The following PTPN4 variants were observed in gnomAD, a reference collection of about 807,000 sequenced individuals.
PTPN4 encodes the protein protein tyrosine phosphatase non-receptor type 4.
Under a neutral mutation model 135.5 loss-of-function variants are expected in PTPN4, and 49 were observed. The ratio of observed to expected loss-of-function variants is 0.36; its 90% CI spans 0.29 to 0.46. PTPN4 has a LOEUF of 0.46. Among genes scored for constraint, PTPN4 ranks in the 20% least tolerant of loss-of-function variants. The pLI, the probability that PTPN4 is intolerant of heterozygous loss-of-function variation, is 1.00. For synonymous variants in PTPN4, 333 were observed against 369.9 expected (o/e 0.90, Z 1.14); for missense variants, 860 against 1,101.0 (o/e 0.78, Z 3.10).
intron 3 of PTPN4, among the ~76,000 whole-genome samples, chr2:119,869,513 C>G (rs1223830894): frequency 6.6e-6 from 1 of 152,108 alleles, no homozygotes; most frequent in Non-Finnish European, 1.5e-5. Context: ...GAGTTTGGAG[C>G]TAATCCTCTT....
At chr2:119,879,111 A>C (rs1678032054) in intron 5 of PTPN4, among the ~76,000 whole-genome samples, 1 of 152,024 alleles carries the variant, frequency 6.6e-6, no homozygotes, top group Admixed American at 6.5e-5. Context: ...AAAAAACAAA[A>C]ATGAAAAACA....
chr2:119,945,729 A>G (rs1679123525), intron 16 of PTPN4, among the ~76,000 whole-genome samples: 1 of 152,164 alleles, frequency 6.6e-6, no homozygotes, highest in South Asian at 2.1e-4. Flanking sequence ...GTCAAGAGAC[A>G]GTAAGTAGAT....
chr2:119,775,802 GATATCTATATCT>G (rs56763862), intron 1 of PTPN4, among the ~76,000 whole-genome samples: 2,271 of 149,976 alleles, frequency 0.015, 26 homozygotes, highest in African/African-American at 0.022. Flanking sequence ...AGAGATTGTG[GATATCTATATCT>G]ATATCTATAT....
chr2:119,775,121 AAAAAG>A, intron 1 of PTPN4, among the ~76,000 whole-genome samples: 2 of 132,782 alleles, frequency 1.5e-5, no homozygotes, highest in Non-Finnish European at 3.3e-5. Flanking sequence ...AAAAAAAAAA[AAAAAG>A]CCACAAAGGA....
chr2:119,866,259 C>G (rs977803990), intron 3 of PTPN4, among the ~76,000 whole-genome samples: 6 of 152,112 alleles, frequency 3.9e-5, no homozygotes, highest in African/African-American at 1.4e-4. Context: ...GTTTCTTTCC[C>G]TATTAAATTG....
At chr2:119,902,055 C>T (rs892699422) in intron 10 of PTPN4, among the ~76,000 whole-genome samples, 2 of 152,152 alleles carry the variant, frequency 1.3e-5, no homozygotes, top group African/African-American at 4.8e-5. Context: ...TTCATGACAG[C>T]CACCGAATCA....
intron 1 of PTPN4, among the ~76,000 whole-genome samples, chr2:119,766,443 T>TGCAC (rs1553430821): frequency 9.1e-6 from 1 of 109,768 alleles, no homozygotes; most frequent in Non-Finnish European, 2.0e-5. Flanking sequence ...TATGCGCATG[T>TGCAC]GCGCGCGTGT....
intron 13 of PTPN4, among the ~76,000 whole-genome samples, chr2:119,930,018 A>G (rs1678880678): frequency 6.6e-6 from 1 of 152,136 alleles, no homozygotes; most frequent in South Asian, 2.1e-4. Flanking sequence ...GTTAATCTTT[A>G]TTTTAAAAAT....
At chr2:119,840,313 C>T (rs1197522989) in intron 2 of PTPN4, among the ~76,000 whole-genome samples, 1 of 152,102 alleles carries the variant, frequency 6.6e-6, no homozygotes, top group East Asian at 1.9e-4. Context: ...TCCTTGTGTC[C>T]CTGTGTTCTC....
chr2:119,797,516 A>G (rs1016771107), intron 1 of PTPN4, among the ~76,000 whole-genome samples: 4 of 152,158 alleles, frequency 2.6e-5, no homozygotes, highest in Non-Finnish European at 5.9e-5. Flanking sequence ...TTTTGCCATT[A>G]AGTGCGATGT....
intron 1 of PTPN4, among the ~76,000 whole-genome samples, chr2:119,785,956 C>T (rs1441860701): frequency 6.6e-6 from 1 of 152,114 alleles, no homozygotes; most frequent in African/African-American, 2.4e-5. Flanking sequence ...ATCAGGATAC[C>T]TTTACTCTCA....
At chr2:119,920,296 A>G in intron 12 of PTPN4, 55 bp downstream of exon 12, 1 of 1,499,096 alleles carries the variant, frequency 6.7e-7, no homozygotes, top group Non-Finnish European at 9.1e-7. Flanking sequence ...TCCTTTCTTT[A>G]AAATAAAGAT....
intron 2 of PTPN4, among the ~76,000 whole-genome samples, chr2:119,817,946 G>C (rs1330233716): frequency 2.6e-5 from 4 of 152,060 alleles, no homozygotes; most frequent in Non-Finnish European, 4.4e-5. Context: ...GTTCATTCCT[G>C]ATTTGGCTCT....
rs150126072 is a variant in PTPN4, at chr2:119,971,645, G to C, written c.2694+3673G>C. On this transcript the variant is annotated intron_variant, in intron 26 of 26. Coordinates refer to ENST00000263708, the MANE Select transcript of PTPN4 (RefSeq NM_002830.4). ...TCTTTCTGTTTTCTTGATTATAGTAGTTGATGCACAGAAGTTTTGAATTTG... is the reference window on the plus strand; with the variant it reads ...TCTTTCTGTTTTCTTGATTATAGTACTTGATGCACAGAAGTTTTGAATTTG... 3.3e-4 allele frequency among the ~76,000 whole-genome samples: 51 copies of C among 152,282 alleles called. No individual in the cohort carries two copies. The East Asian group carries it at 9.8e-3, about 29-fold the overall frequency.
rs924234698 is a variant in PTPN4, at chr2:119,983,598, C to T, written c.*6528C>T. 2 of 152,130 alleles carry T rather than the reference C, an allele frequency of 1.3e-5. No homozygotes were observed. The highest frequency in any genetic ancestry group is 2.9e-5 in the Non-Finnish European group (2 of 68,026). The allele number at this position is 152,130 out of a possible 1,614,324, so 9.4% of individuals were successfully genotyped here. A position where few individuals can be genotyped will look rare whatever the true frequency, so the allele number is the denominator to read the frequency against. On this transcript the variant is annotated 3_prime_UTR_variant, in exon 27 of 27. Coordinates refer to ENST00000263708, the MANE Select transcript of PTPN4 (RefSeq NM_002830.4). ...CACTTTATTTCATGCTGACCACCAA[C>T]TTAATTTATACATTTTAAAATAAAA...
intron 2 of PTPN4, among the ~76,000 whole-genome samples, chr2:119,813,480 C>T (rs1369005577): frequency 6.6e-6 from 1 of 151,952 alleles, no homozygotes; most frequent in East Asian, 1.9e-4. Flanking sequence ...CTCCCGACCT[C>T]AGGTGATCCA....
chr2:119,964,626 A>G (rs532967375), intron 24 of PTPN4, among the ~76,000 whole-genome samples: 85 of 152,146 alleles, frequency 5.6e-4, no homozygotes, highest in Middle Eastern at 3.2e-3. Context: ...GTTTCTACCT[A>G]TGTACTTGAT....
intron 1 of PTPN4, among the ~76,000 whole-genome samples, chr2:119,789,655 C>T (rs1329291761): frequency 1.3e-5 from 2 of 152,044 alleles, no homozygotes; most frequent in Admixed American, 6.6e-5. Flanking sequence ...TTTACTTTGA[C>T]CATTACTTAT....
At position 119,956,893 on chromosome 2, in the gene PTPN4, C is replaced by T; in HGVS notation, c.2030C>T (p.Pro677Leu). ...ATGACAATGTCCTGTGCCAAATTACCTCAGAATATTTCCAAAAATAGATAC... is the reference window on the plus strand; with the variant it reads ...ATGACAATGTCCTGTGCCAAATTACTTCAGAATATTTCCAAAAATAGATAC... The part of the protein sequence containing the change: ...PGMTMSCAKL[P>L]QNISKNRYRD... The change falls in exon 21 of 27, where the codon CCT becomes CTT. Residue 677 changes from proline to leucine, a missense_variant. By Grantham distance (98) the Pro-to-Leu change is moderately conservative. Transcript: ENST00000263708. The T allele has an allele frequency of 6.2e-7, 1 of 1,608,626 alleles. No individual in the cohort carries two copies. The highest frequency in any genetic ancestry group is 8.5e-7 in the Non-Finnish European group (1 of 1,178,764).
Sources: allele counts gnomAD v4.1 joint callset (sites outside exome capture counted in the v4.1 genomes callset), GRCh38; gene constraint gnomAD v4.1.1; transcripts MANE v1.5; gene names NCBI Gene and HGNC (gene_info 2026-07-23, HGNC 2026-07-21).